Variants in RAD54B observed in about 807,000 individuals in gnomAD.
The protein encoded by RAD54B is DNA repair and recombination protein RAD54B.
A neutral mutation model predicts 95.8 loss-of-function variants in RAD54B; 78 were observed. The ratio of observed to expected loss-of-function variants is 0.81; its 90% confidence interval spans 0.68 to 0.98. The LOEUF (loss-of-function observed/expected upper bound fraction) is 0.98, where lower values mean the gene tolerates loss of function less well. Among genes scored for constraint, RAD54B ranks in the 50% least tolerant of loss-of-function variants. The pLI, the probability that RAD54B is intolerant of heterozygous loss-of-function variation, is 0.00. For synonymous variants in RAD54B, 328 were observed against 354.9 expected, an observed-to-expected ratio of 0.92 and a Z score of 0.85; for missense variants, 957 against 1,056.6, an observed-to-expected ratio of 0.91 and a Z score of 1.31.
rs1811241899 is a variant in RAD54B, at chr8:94,400,390, T to G, written c.1018A>C (p.Ile340Leu). ...LGKTLQCISL[I>L]WTLQCQGPYG... ...GGTCCCTGACACTGCAGGGTCCAGA[T>G]GAGCGAAATACATTGCAATGTCTTC... The change falls in exon 7 of 15, where the codon ATC (isoleucine) becomes CTC (leucine). Residue 340 changes from isoleucine to leucine, a missense_variant. By Grantham distance (5) the Ile-to-Leu change is conservative. Coordinates refer to ENST00000336148, the MANE Select transcript of RAD54B (RefSeq NM_012415.3). The G allele has an allele frequency of 6.2e-7, 1 of 1,613,824 alleles. No individual in the cohort carries two copies. The highest frequency in any genetic ancestry group is 1.1e-5 in the South Asian group (1 of 91,064).
intron 3 of RAD54B, among the ~76,000 whole-genome samples, chr8:94,417,458 T>A (rs1054805148): frequency 2.0e-5 from 3 of 146,438 alleles, no homozygotes; most frequent in Non-Finnish European, 4.5e-5. Context: ...TAACACCACA[T>A]CTTGATTATA....
At chr8:94,388,653 T>C (rs960214941) in intron 10 of RAD54B, among the ~76,000 whole-genome samples, 11 of 152,238 alleles carry the variant, frequency 7.2e-5, no homozygotes, top group African/African-American at 1.7e-4. Context: ...GTGAATCCTA[T>C]GTGAAATGTA....
chr8:94,384,299 T>C (rs1810816148), intron 11 of RAD54B, among the ~76,000 whole-genome samples: 1 of 152,186 alleles, frequency 6.6e-6, no homozygotes, highest in African/African-American at 2.4e-5. Flanking sequence ...ATACATACAA[T>C]GGAATATTGT....
chr8:94,386,419 A>G (rs894092195), intron 11 of RAD54B, among the ~76,000 whole-genome samples: 1 of 152,226 alleles, frequency 6.6e-6, no homozygotes, highest in Non-Finnish European at 1.5e-5. Context: ...AGATAGATTT[A>G]GATGTCCATT....
At chr8:94,456,217 G>C (rs1812775690) in intron 3 of RAD54B, among the ~76,000 whole-genome samples, 1 of 152,096 alleles carries the variant, frequency 6.6e-6, no homozygotes, top group Non-Finnish European at 1.5e-5. Context: ...TCACACAAAG[G>C]ATATTATCTG....
chr8:94,432,116 G>C, intron 3 of RAD54B: 3 of 1,510,802 alleles, frequency 2.0e-6, no homozygotes, highest in Non-Finnish European at 2.7e-6. Flanking sequence ...CAAATTGCAA[G>C]ATTGAAAAAA....
chr8:94,434,043 G>A (rs77045500), intron 3 of RAD54B, among the ~76,000 whole-genome samples: 2 of 151,648 alleles, frequency 1.3e-5, no homozygotes, highest in South Asian at 2.1e-4. Context: ...TTTTGTTCTT[G>A]TCTCTGTTTG....
At chr8:94,449,816 G>A (rs988694570) in intron 3 of RAD54B, among the ~76,000 whole-genome samples, 1 of 152,044 alleles carries the variant, frequency 6.6e-6, no homozygotes, top group Admixed American at 6.6e-5. Flanking sequence ...TTCCATCCAA[G>A]GCAGGAATTC....
At chr8:94,436,739 T>G in intron 3 of RAD54B, 1 of 1,550,722 alleles carries the variant, frequency 6.4e-7, no homozygotes, top group East Asian at 2.4e-5. Flanking sequence ...TCCCAACATC[T>G]ATTCTTTTCT....
intron 4 of RAD54B, among the ~76,000 whole-genome samples, chr8:94,408,288 A>T (rs1811443060): frequency 6.6e-6 from 1 of 152,170 alleles, no homozygotes; most frequent in Admixed American, 6.5e-5. Flanking sequence ...TATTAATTTG[A>T]TGAACATTTA....
rs1225700733 is a variant in RAD54B, at chr8:94,391,532, G to A, written c.1809+77C>T. ...CCCACAAATGCAACCTCAGAAATTA[G>A]CCCTGTCTGCCCTCTTAGATTCATA... On this transcript the variant is annotated intron_variant, in intron 10 of 14. Transcript: ENST00000336148. The A allele has an allele frequency of 3.5e-6, 5 of 1,412,472 alleles. No individual in the cohort carries two copies. The African/African-American group carries it at 7.3e-5, about 21-fold the overall frequency. 87.5% of individuals were successfully genotyped at this position (1,412,472 alleles called of 1,614,324 possible). A position where few individuals can be genotyped will look rare whatever the true frequency, so the allele number is the denominator to read the frequency against.
intron 3 of RAD54B, chr8:94,436,986 CACGCCT>C (rs1812282968): frequency 1.4e-6 from 2 of 1,413,488 alleles, no homozygotes; most frequent in African/African-American, 1.5e-5. Flanking sequence ...CATTTAGGCC[CACGCCT>C]ACAGGGGAGG....
intron 3 of RAD54B, among the ~76,000 whole-genome samples, chr8:94,413,904 C>T (rs535752876): frequency 6.8e-6 from 1 of 146,762 alleles, no homozygotes; most frequent in Non-Finnish European, 1.5e-5. Context: ...GGTGTGATCT[C>T]GGCTGACTGC....
In RAD54B at chr8:94,413,039, A is replaced by T. The variant is rs115912336; in HGVS notation, c.305-1724T>A. 7.9e-3 allele frequency among the ~76,000 whole-genome samples: 1,207 copies of T among 152,342 alleles called. 13 individuals are homozygous for T. The highest frequency in any genetic ancestry group is 0.027 in the African/African-American group (1,136 of 41,582). ...AACCCAGATCTCTACACTAAAATTAAAAAGCTTTGTTGAAAAAAAATTAAC... is the reference window on the plus strand; with the variant it reads ...AACCCAGATCTCTACACTAAAATTATAAAGCTTTGTTGAAAAAAAATTAAC... On this transcript the variant is annotated intron_variant, in intron 3 of 14. Coordinates refer to ENST00000336148, the MANE Select transcript of RAD54B (RefSeq NM_012415.3).
rs1444835062 is a variant in RAD54B, at chr8:94,378,595, C to A, written c.2287G>T (p.Val763Leu). Residue 763 changes from valine to leucine, a missense_variant, in exon 13 of 15, where the codon GTA becomes TTA. Coordinates refer to ENST00000336148, the MANE Select transcript of RAD54B (RefSeq NM_012415.3). ...RVWRDGQKYP[V>L]HIYRLLTTGT... ...GTAGTTAGGAGTCTGTAAATATGTA[C>A]AGGATATTTCTGACCATCTCTCCAT... The A allele has an allele frequency of 6.2e-7, 1 of 1,609,114 alleles. No individual in the cohort carries two copies. Among genetic ancestry groups the A allele is most frequent in the Admixed American group, 1.7e-5 (1 of 59,474 alleles).
At chr8:94,450,431 T>G (rs1812627622) in intron 3 of RAD54B, among the ~76,000 whole-genome samples, 1 of 152,188 alleles carries the variant, frequency 6.6e-6, no homozygotes, top group Admixed American at 6.5e-5. Context: ...TCAAAGAATT[T>G]TAGGCCCCTA....
Position 94,398,109 on chromosome 8 carries a change from G to A in RAD54B, c.1378+1305C>T, listed in dbSNP as rs1400773478. ...TTCAACACTAGTTTTCCTATTCTTT[G>A]GTTTCCACTTCACTATTACTGACAA... On this transcript the variant is annotated intron_variant, in intron 8 of 14. Transcript: ENST00000336148. 4.0e-5 allele frequency among the ~76,000 whole-genome samples: 6 copies of A among 151,816 alleles called. No individual in the cohort carries two copies. In the East Asian group the frequency reaches 1.2e-3, roughly 29 times the overall value.
intron 3 of RAD54B, among the ~76,000 whole-genome samples, chr8:94,418,351 C>T (rs3019149): frequency 0.25 from 37,792 of 152,094 alleles, 5,589 homozygotes; most frequent in East Asian, 0.44. Flanking sequence ...TTTTTCTCCA[C>T]GAAAGGTTGT....
At chr8:94,377,046 G>A (rs1397156637) in intron 14 of RAD54B, among the ~76,000 whole-genome samples, 1 of 151,992 alleles carries the variant, frequency 6.6e-6, no homozygotes, top group Non-Finnish European at 1.5e-5. Context: ...TTTGAATGGT[G>A]TCTATTCTGG....
Sources: gnomAD v4.1 joint callset for allele counts (sites outside exome capture counted in the v4.1 genomes callset) on GRCh38, gnomAD v4.1.1 for gene constraint, MANE v1.5 for transcripts, NCBI Gene and HGNC (gene_info 2026-07-23, HGNC 2026-07-21) for gene names.